RNF7: variants seen among roughly 807,000 people sequenced by gnomAD.
RNF7 encodes RING-box protein 2.
Under a neutral mutation model 17.0 loss-of-function variants are expected in RNF7, and 9 were observed. The observed-to-expected ratio is 0.53, with a 90% confidence interval of 0.32 to 0.92. RNF7 has a LOEUF of 0.92. Among genes scored for constraint, RNF7 ranks in the 40% least tolerant of loss-of-function variants. The pLI is 0.04. For missense variants in RNF7, 87 were observed against 145.8 expected, an observed-to-expected ratio of 0.60 and a Z score of 2.08; for synonymous variants, 59 against 50.5, an observed-to-expected ratio of 1.17 and a Z score of -0.72.
rs780801315 is a variant in RNF7, at chr3:141,738,419, C to G, written c.78C>G (p.Gly26=). The G allele has an allele frequency of 9.3e-6, 15 of 1,611,324 alleles. No individual in the cohort carries two copies. Among genetic ancestry groups the G allele is most frequent in the African/African-American group, 1.3e-5 (1 of 74,852 alleles). The part of the protein sequence containing the change: ...HSGSSGSKSG[G]DKMFSLKKWN... Reference sequence around the variant, plus strand: ...GGAGCTCAGGCTCCAAGTCGGGAGGCGACAAGATGTTCTCCCTCAAGAAGT... The same window carrying G: ...GGAGCTCAGGCTCCAAGTCGGGAGGGGACAAGATGTTCTCCCTCAAGAAGT... The change falls in exon 1 of 3, where the codon GGC becomes GGG. Residue 26 remains glycine, a synonymous_variant. Coordinates refer to ENST00000273480, the MANE Select transcript of RNF7 (RefSeq NM_014245.5).
chr3:141,738,717 G>T (rs557005984), intron 1 of RNF7, among the ~76,000 whole-genome samples: 1 of 152,378 alleles, frequency 6.6e-6, no homozygotes, highest in East Asian at 1.9e-4. Flanking sequence ...GCCGCCTGGG[G>T]CTGCGGGGTT....
chr3:141,738,321 C>T lies in RNF7; in HGVS notation c.-21C>T, dbSNP rs568998531. Reference sequence around the variant, plus strand: ...GCCTTCCCCAAGCCAACGTCTCCGCCGTCGGCTCCGCGGCGCCGCCATGGC... The same window carrying T: ...GCCTTCCCCAAGCCAACGTCTCCGCTGTCGGCTCCGCGGCGCCGCCATGGC... On this transcript the variant is annotated 5_prime_UTR_variant, in exon 1 of 3. Transcript: ENST00000273480. 16 of 1,547,034 alleles carry T rather than the reference C, an allele frequency of 1.0e-5. No individual in the cohort carries two copies. In the East Asian group the frequency reaches 1.7e-4, roughly 17 times the overall value.
At chr3:141,742,136 C>T (rs1176534523) in intron 1 of RNF7, among the ~76,000 whole-genome samples, 3 of 148,130 alleles carry the variant, frequency 2.0e-5, no homozygotes, top group African/African-American at 7.6e-5. Context: ...CTGATCCTCT[C>T]CACCTTCCAC....
Position 141,738,306 on chromosome 3 carries a change from A to C in RNF7, c.-36A>C, listed in dbSNP as rs1214241627. Reference sequence around the variant, plus strand: ...CCGCCCTAGCCTTCCGCCTTCCCCAAGCCAACGTCTCCGCCGTCGGCTCCG... The same window carrying C: ...CCGCCCTAGCCTTCCGCCTTCCCCACGCCAACGTCTCCGCCGTCGGCTCCG... On this transcript the variant is annotated 5_prime_UTR_variant, in exon 1 of 3. Coordinates refer to ENST00000273480, the MANE Select transcript of RNF7 (RefSeq NM_014245.5). The C allele has an allele frequency of 2.7e-6, 4 of 1,497,212 alleles. No homozygotes were observed. The highest frequency in any genetic ancestry group is 4.1e-5 in the Admixed American group (2 of 48,716). 92.7% of individuals were successfully genotyped at this position (1,497,212 alleles called of 1,614,324 possible).
intron 1 of RNF7, among the ~76,000 whole-genome samples, chr3:141,742,488 A>G (rs992651560): frequency 2.0e-5 from 3 of 151,688 alleles, no homozygotes; most frequent in Admixed American, 1.3e-4. Context: ...AGCCTCCCAA[A>G]GTGCTGGGAT....
In RNF7 at chr3:141,747,089, T is replaced by C. The variant is rs1183195954; in HGVS notation, c.*1812T>C. 1 of 152,346 alleles carries C rather than the reference T, an allele frequency of 6.6e-6. No homozygotes were observed. The highest frequency in any genetic ancestry group is 2.4e-5 in the African/African-American group (1 of 41,578). The allele number at this position is 152,346 out of a possible 1,614,324, so 9.4% of individuals were successfully genotyped here. ...ATAAATGAAATGTGGAGGATGGTGG[T>C]AACAATTTGATTTTCCACACAGCAA... is the stretch of plus-strand genomic sequence containing the variant. On this transcript the variant is annotated 3_prime_UTR_variant, in exon 3 of 3. Coordinates refer to ENST00000273480, the MANE Select transcript of RNF7 (RefSeq NM_014245.5).
chr3:141,743,023 A>AGAG (rs10660073), intron 1 of RNF7: 38,723 of 531,518 alleles, frequency 0.073, 3,371 homozygotes, highest in African/African-American at 0.33. Flanking sequence ...ATTACCTGGA[A>AGAG]GAGTGAAAAC....
In RNF7 at chr3:141,738,488, G is replaced by T; in HGVS notation, c.147G>T (p.Thr49=). Residue 49 remains threonine, a synonymous_variant, in exon 1 of 3, where the codon ACG becomes ACT. Coordinates refer to ENST00000273480, the MANE Select transcript of RNF7 (RefSeq NM_014245.5). Reference sequence around the variant, plus strand: ...GGAGCTGGGACGTGGAGTGCGATACGTGCGCCATCTGCAGGGTCCAGGTGA... The same window carrying T: ...GGAGCTGGGACGTGGAGTGCGATACTTGCGCCATCTGCAGGGTCCAGGTGA... ...AMWSWDVECD[T]CAICRVQVMD... is the part of the protein sequence containing the mutation. The T allele has an allele frequency of 6.2e-7, 1 of 1,613,614 alleles. No homozygotes were observed. Among genetic ancestry groups the T allele is most frequent in the Non-Finnish European group, 8.5e-7 (1 of 1,179,720 alleles).
In RNF7 at chr3:141,745,467, C is replaced by T. The variant is rs79073808; in HGVS notation, c.*190C>T. On this transcript the variant is annotated 3_prime_UTR_variant, in exon 3 of 3. Transcript: ENST00000273480. Reference sequence around the variant, plus strand: ...CAGTTTTATCTTCAGAAATTCTCTGCGATTAAGAAGATAATTTATTAAAGG... The same window carrying T: ...CAGTTTTATCTTCAGAAATTCTCTGTGATTAAGAAGATAATTTATTAAAGG... 5.4e-3 allele frequency: 2,148 copies of T among 395,230 alleles called. 44 individuals are homozygous for T. The highest frequency in any genetic ancestry group is 0.036 in the African/African-American group (1,715 of 48,094). 24.5% of individuals were successfully genotyped at this position (395,230 alleles called of 1,614,324 possible).
intron 1 of RNF7, among the ~76,000 whole-genome samples, chr3:141,742,264 T>C (rs1489734467): frequency 2.0e-5 from 3 of 149,554 alleles, no homozygotes; most frequent in African/African-American, 7.5e-5. Flanking sequence ...TCTCGCTCTT[T>C]CGCCCAGGCT....
At chr3:141,738,856 G>A (rs974737167) in intron 1 of RNF7, among the ~76,000 whole-genome samples, 2 of 152,244 alleles carry the variant, frequency 1.3e-5, no homozygotes, top group Admixed American at 6.5e-5. Context: ...TGATTGTTGG[G>A]AACTAGCAGG....
rs1439878150 is a variant in RNF7, at chr3:141,745,361, A to G, written c.*84A>G. ...AGTGCCCTACAAAGGCTAGAACACTACAGGGGATGAATTCTTCAAATAGGA... is the reference window on the plus strand; with the variant it reads ...AGTGCCCTACAAAGGCTAGAACACTGCAGGGGATGAATTCTTCAAATAGGA... On this transcript the variant is annotated 3_prime_UTR_variant, in exon 3 of 3. Coordinates refer to ENST00000273480, the MANE Select transcript of RNF7 (RefSeq NM_014245.5). The G allele has an allele frequency of 1.3e-6, 1 of 796,958 alleles. No homozygotes were observed. The highest frequency in any genetic ancestry group is 2.1e-6 in the Non-Finnish European group (1 of 486,166). 49.4% of individuals were successfully genotyped at this position (796,958 alleles called of 1,614,324 possible). A position where few individuals can be genotyped will look rare whatever the true frequency, so the allele number is the denominator to read the frequency against.
intron 1 of RNF7, 29 bp downstream of exon 1, chr3:141,738,545 CCCTGCGGCCTCCGGGAGCCGA>C (rs759735636): frequency 1.9e-6 from 3 of 1,566,438 alleles, no homozygotes; most frequent in Non-Finnish European, 1.7e-6. Flanking sequence ...TCCAGGGCCG[CCCTGCGGCCTCCGGGAGCCGA>C]CCTCGGGGTT....
chr3:141,742,739 G>T lies in RNF7; in HGVS notation c.176-770G>T, dbSNP rs144978686. 16 of 1,281,812 alleles carry T rather than the reference G, an allele frequency of 1.2e-5. 1 individual carries two copies. Among genetic ancestry groups the T allele is most frequent in the Middle Eastern group, 2.1e-4 (1 of 4,678 alleles). The allele number at this position is 1,281,812 out of a possible 1,614,324, so 79.4% of individuals were successfully genotyped here. A position where few individuals can be genotyped will look rare whatever the true frequency, so the allele number is the denominator to read the frequency against. ...CTGTAGATCTGGCTCCACAGCCCTC[G>T]CTGTCCCCTCTGTCTCACTGGCTTC... On this transcript the variant is annotated intron_variant, in intron 1 of 2. Coordinates refer to ENST00000273480, the MANE Select transcript of RNF7 (RefSeq NM_014245.5).
At chr3:141,744,846 C>T (rs1199804667) in intron 2 of RNF7, among the ~76,000 whole-genome samples, 1 of 152,124 alleles carries the variant, frequency 6.6e-6, no homozygotes, top group Non-Finnish European at 1.5e-5. Context: ...CTGAGAAGGT[C>T]AGATCTAAGG....
rs757235578 is a variant in RNF7, at chr3:141,738,391, C to G, written c.50C>G (p.Ser17Cys). Residue 17 changes from serine to cysteine, a missense_variant, in exon 1 of 3, where the codon TCC becomes TGC. Physicochemically the swap from Ser to Cys is moderately radical, Grantham distance 112. Coordinates refer to ENST00000273480, the MANE Select transcript of RNF7 (RefSeq NM_014245.5). ...GEETCALASH[S>C]GSSGSKSGGD... ...GAAACCTGCGCCCTGGCCTCTCACTCCGGGAGCTCAGGCTCCAAGTCGGGA... is the reference window on the plus strand; with the variant it reads ...GAAACCTGCGCCCTGGCCTCTCACTGCGGGAGCTCAGGCTCCAAGTCGGGA... 9.4e-6 allele frequency: 15 copies of G among 1,602,382 alleles called. No individual in the cohort carries two copies. Among genetic ancestry groups the G allele is most frequent in the Non-Finnish European group, 1.3e-5 (15 of 1,174,672 alleles).
intron 1 of RNF7, among the ~76,000 whole-genome samples, chr3:141,739,294 C>G (rs1489904286): frequency 2.6e-5 from 4 of 152,220 alleles, no homozygotes; most frequent in Admixed American, 2.6e-4. Flanking sequence ...TACTGTGCTG[C>G]TCTGAGTCAT....
rs549135338 is a variant in RNF7, at chr3:141,745,997, G to T, written c.*720G>T. On this transcript the variant is annotated 3_prime_UTR_variant, in exon 3 of 3. Coordinates refer to ENST00000273480, the MANE Select transcript of RNF7 (RefSeq NM_014245.5). ...AATTTTTTTTTTTTTTTTTTGTGGG[G>T]GTGAAGTCTTGCTCTGCCACCCAGG... 1.3e-5 allele frequency: 2 copies of T among 150,048 alleles called. No individual in the cohort carries two copies. Among genetic ancestry groups the T allele is most frequent in the South Asian group, 2.1e-4 (1 of 4,752 alleles). The allele number at this position is 150,048 out of a possible 1,614,324, so 9.3% of individuals were successfully genotyped here.
chr3:141,743,853 T>C (rs1418204124), intron 2 of RNF7, among the ~76,000 whole-genome samples: 1 of 152,174 alleles, frequency 6.6e-6, no homozygotes, highest in Non-Finnish European at 1.5e-5. Context: ...AATCAGAAAT[T>C]TGTCAAAACA....
Sources: gnomAD v4.1 joint callset for allele counts (sites outside exome capture counted in the v4.1 genomes callset) on GRCh38, gnomAD v4.1.1 for gene constraint, MANE v1.5 for transcripts, NCBI Gene and HGNC (gene_info 2026-07-23, HGNC 2026-07-21) for gene names.